The following PLD1 variants were observed in gnomAD, a reference collection of about 807,000 sequenced individuals.
PLD1 encodes the protein choline phosphatase 1.
PLD1 carries 112 observed loss-of-function variants against 137.1 expected under a neutral mutation model. That is an observed-to-expected ratio of 0.82 (90% CI 0.70 to 0.96). The LOEUF is 0.96. Ranked by LOEUF, PLD1 falls within the 40% of genes least tolerant of loss-of-function variation. PLD1 has a pLI of 0.00. For missense variants in PLD1, 1,321 were observed against 1,342.0 expected, an observed-to-expected ratio of 0.98 and a Z score of 0.24; for synonymous variants, 431 against 454.7, an observed-to-expected ratio of 0.95 and a Z score of 0.66.
At chr3:171,800,459 T>G (rs1297349300) in intron 1 of PLD1, among the ~76,000 whole-genome samples, 2 of 152,196 alleles carry the variant, frequency 1.3e-5, no homozygotes, top group Non-Finnish European at 2.9e-5. Flanking sequence ...TCCACCCACC[T>G]TGGCCTCCCA....
At chr3:171,661,984 T>G in intron 20 of PLD1, 76 bp downstream of exon 20, 2 of 780,840 alleles carry the variant, frequency 2.6e-6, no homozygotes. Flanking sequence ...GGTCCTAAGT[T>G]TGGGGACCCT....
chr3:171,764,673 A>G, intron 1 of PLD1, among the ~76,000 whole-genome samples: 1 of 151,732 alleles, frequency 6.6e-6, no homozygotes, highest in Non-Finnish European at 1.5e-5. Context: ...CACACTCAGG[A>G]CACTGTTGGG....
intron 23 of PLD1, among the ~76,000 whole-genome samples, chr3:171,636,953 G>C (rs1047976185): frequency 6.6e-6 from 1 of 152,042 alleles, no homozygotes; most frequent in Admixed American, 6.6e-5. Flanking sequence ...AGTTTGTTGA[G>C]GTTTTTTTGT....
At chr3:171,754,337 T>C (rs1720867949) in intron 1 of PLD1, among the ~76,000 whole-genome samples, 1 of 152,254 alleles carries the variant, frequency 6.6e-6, no homozygotes, top group South Asian at 2.1e-4. Flanking sequence ...CAAAGCATTC[T>C]GTACACATAT....
intron 1 of PLD1, among the ~76,000 whole-genome samples, chr3:171,746,847 C>T (rs1720226857): frequency 6.6e-6 from 1 of 152,242 alleles, no homozygotes; most frequent in Non-Finnish European, 1.5e-5. Context: ...CTGCCCAAGA[C>T]AGCACTGGCA....
intron 1 of PLD1, among the ~76,000 whole-genome samples, chr3:171,754,967 G>A (rs748500395): frequency 6.6e-6 from 1 of 152,104 alleles, no homozygotes; most frequent in South Asian, 2.1e-4. Flanking sequence ...CTCGCCACCA[G>A]CTCCTTCTAG....
chr3:171,620,419 A>C lies in PLD1; in HGVS notation c.2695T>G (p.Leu899Val). 2 of 1,598,654 alleles carry C rather than the reference A, an allele frequency of 1.3e-6. No homozygotes were observed. The highest frequency in any genetic ancestry group is 8.6e-7 in the Non-Finnish European group (1 of 1,168,848). The part of the protein sequence containing the change: ...VTELIYVHSK[L>V]LIADDNTVII... ...ACAGTGTTATCATCAGCAATTAACA[A>C]CTTGCTGTGGACATAGATAAGCTCA... Residue 899 changes from leucine (L) to valine (V), a missense_variant, in exon 24 of 27, where the codon TTG becomes GTG. Transcript: ENST00000351298.
At chr3:171,807,595 C>G (rs1394110522) in intron 1 of PLD1, among the ~76,000 whole-genome samples, 3 of 152,138 alleles carry the variant, frequency 2.0e-5, no homozygotes, top group Non-Finnish European at 4.4e-5. Flanking sequence ...AAAAAACATC[C>G]TGTAAGAGAA....
At chr3:171,780,936 CT>C (rs1194921643) in intron 1 of PLD1, among the ~76,000 whole-genome samples, 85 of 152,266 alleles carry the variant, frequency 5.6e-4, no homozygotes, top group African/African-American at 1.9e-3. Flanking sequence ...ACTCATCAAG[CT>C]TTTTTGTACA....
At chr3:171,767,595 C>T in intron 1 of PLD1, among the ~76,000 whole-genome samples, 1 of 152,216 alleles carries the variant, frequency 6.6e-6, no homozygotes, top group East Asian at 1.9e-4. Context: ...TCCCCCTCCA[C>T]AGCACCTTCT....
chr3:171,725,033 C>G (rs1315198884), intron 7 of PLD1, among the ~76,000 whole-genome samples: 2 of 152,144 alleles, frequency 1.3e-5, no homozygotes, highest in Non-Finnish European at 2.9e-5. Flanking sequence ...CTGTTGTGCA[C>G]TACACAGGAC....
intron 23 of PLD1, among the ~76,000 whole-genome samples, chr3:171,639,642 ATT>A (rs1735540289): frequency 1.7e-5 from 2 of 114,496 alleles, no homozygotes; most frequent in African/African-American, 7.2e-5. Context: ...TATAATATAT[ATT>A]ATATATAATA....
intron 3 of PLD1, 95 bp downstream of exon 3, chr3:171,737,437 C>G: frequency 9.3e-7 from 1 of 1,078,422 alleles, no homozygotes; most frequent in Non-Finnish European, 1.3e-6. Flanking sequence ...AACCTACAAA[C>G]ATGATCATAG....
chr3:171,767,870 G>A (rs1360244731), intron 1 of PLD1, among the ~76,000 whole-genome samples: 1 of 152,056 alleles, frequency 6.6e-6, no homozygotes, highest in Non-Finnish European at 1.5e-5. Flanking sequence ...TTAAGACCAA[G>A]AGTTTGAGGT....
At chr3:171,746,848 A>G (rs1222531426) in intron 1 of PLD1, among the ~76,000 whole-genome samples, 1 of 152,262 alleles carries the variant, frequency 6.6e-6, no homozygotes, top group Non-Finnish European at 1.5e-5. Context: ...TGCCCAAGAC[A>G]GCACTGGCAA....
Position 171,707,026 on chromosome 3 carries a change from T to A in PLD1, c.1145+1729A>T, listed in dbSNP as rs192228350. Among the ~76,000 whole-genome samples, 3 of 152,316 alleles carry A rather than the reference T, an allele frequency of 2.0e-5. No homozygotes were observed. In the East Asian group the frequency reaches 5.8e-4, roughly 29 times the overall value. ...ATCATGTCCTTTGCAGCAACATGGA[T>A]GGAGCTGGAGGCCATTATCCTTAGA... On this transcript the variant is annotated intron_variant, in intron 11 of 26. Coordinates refer to ENST00000351298, the MANE Select transcript of PLD1 (RefSeq NM_002662.5).
intron 13 of PLD1, among the ~76,000 whole-genome samples, chr3:171,690,378 T>C (rs549147299): frequency 2.0e-4 from 31 of 152,318 alleles, no homozygotes; most frequent in African/African-American, 6.5e-4. Flanking sequence ...AATCTTTATT[T>C]CCTTCCTTCT....
chr3:171,645,390 G>A (rs1181909364), intron 21 of PLD1, among the ~76,000 whole-genome samples: 1 of 152,140 alleles, frequency 6.6e-6, no homozygotes, highest in Non-Finnish European at 1.5e-5. Context: ...GAACTTAATA[G>A]TTAACACAGT....
intron 1 of PLD1, among the ~76,000 whole-genome samples, chr3:171,739,312 C>T (rs185684732): frequency 1.2e-4 from 18 of 152,244 alleles, no homozygotes; most frequent in East Asian, 3.9e-4. Context: ...CAATGAGTCT[C>T]GAAAACCTAT....
Sources: allele counts gnomAD v4.1 joint callset (sites outside exome capture counted in the v4.1 genomes callset), GRCh38; gene constraint gnomAD v4.1.1; transcripts MANE v1.5; gene names NCBI Gene and HGNC (gene_info 2026-07-23, HGNC 2026-07-21).